The following ANKRD30A variants were observed in gnomAD, a reference collection of about 807,000 sequenced individuals.
ANKRD30A encodes the protein ankyrin repeat domain 30A, also known as ankyrin repeat domain-containing protein 30A.
ANKRD30A carries 170 observed loss-of-function variants against 166.3 expected under a neutral mutation model. The ratio of observed to expected loss-of-function variants is 1.02; its 90% CI spans 0.90 to 1.16. The LOEUF (loss-of-function observed/expected upper bound fraction) is 1.16. Among genes scored for constraint, ANKRD30A ranks in the 50% most tolerant of loss-of-function variants. ANKRD30A has a pLI of 0.00. For missense variants in ANKRD30A, 1,630 were observed against 1,518.0 expected, an observed-to-expected ratio of 1.07 and a Z score of -1.23; for synonymous variants, 564 against 508.9, an observed-to-expected ratio of 1.11 and a Z score of -1.46.
rs776828286 is a variant in ANKRD30A at position 37,218,972 on chromosome 10, T to A, written c.3268-8T>A. The A allele has an allele frequency of 2.6e-6, 4 of 1,548,056 alleles. No homozygotes were observed. Among genetic ancestry groups the A allele is most frequent in the Non-Finnish European group, 3.5e-6 (4 of 1,146,530 alleles). Reference sequence around the variant, plus strand: ...GTGCTAGCTAAAAGTTTATTTTGTTTTATTTAGGTTTCTCACACTCATGAA... The same window carrying A: ...GTGCTAGCTAAAAGTTTATTTTGTTATATTTAGGTTTCTCACACTCATGAA... On this transcript the variant is annotated splice_polypyrimidine_tract_variant and splice_region_variant and intron_variant, in intron 33 of 35. Transcript: ENST00000361713.
At chr10:37,226,374 T>C (rs1185308468) in intron 34 of ANKRD30A, among the ~76,000 whole-genome samples, 1 of 150,380 alleles carries the variant, frequency 6.6e-6, no homozygotes, top group African/African-American at 2.4e-5. Flanking sequence ...TTTTTTGTCC[T>C]TGCAATAGTT....
the ANKRD30A span, among the ~76,000 whole-genome samples, chr10:37,259,020 C>T: frequency 1.4e-5 from 2 of 143,988 alleles, 1 homozygote; most frequent in Non-Finnish European, 3.0e-5. Context: ...ATCTTTATGA[C>T]ACTGGAGTTG....
chr10:37,193,149 A>G (rs1382375047), intron 26 of ANKRD30A, 37 bp from the exon 27 acceptor site: 11 of 1,607,850 alleles, frequency 6.8e-6, no homozygotes, highest in Admixed American at 5.0e-5. Context: ...TGAAGTATAC[A>G]TTGTATATTA....
chr10:37,196,092 T>A (rs12360325), intron 27 of ANKRD30A, among the ~76,000 whole-genome samples: 23 of 116,976 alleles, frequency 2.0e-4, no homozygotes, highest in African/African-American at 6.1e-4. Context: ...TTATATTTTC[T>A]ATTTTTTTTT....
In ANKRD30A at chr10:37,219,419, A is replaced by G. The variant is rs1479516264; in HGVS notation, c.3707A>G (p.Asn1236Ser). ...AGDACLQRKM[N>S]VDVSSTIYNN... Reference sequence around the variant, plus strand: ...GATGCTTGTTTGCAAAGAAAAATGAATGTTGATGTGAGTAGTACGATATAT... The same window carrying G: ...GATGCTTGTTTGCAAAGAAAAATGAGTGTTGATGTGAGTAGTACGATATAT... Residue 1236 changes from asparagine to serine, a missense_variant, in exon 34 of 36, where the codon AAT becomes AGT. By Grantham distance (46) the Asn-to-Ser change is conservative. Transcript: ENST00000361713. 2 of 1,610,562 alleles carry G rather than the reference A, an allele frequency of 1.2e-6. No individual in the cohort carries two copies. The highest frequency in any genetic ancestry group is 8.5e-7 in the Non-Finnish European group (1 of 1,177,774).
intron 27 of ANKRD30A, among the ~76,000 whole-genome samples, chr10:37,194,381 G>T (rs184889791): frequency 6.6e-6 from 1 of 150,456 alleles, no homozygotes; most frequent in African/African-American, 2.5e-5. Flanking sequence ...TTTTGAGCTC[G>T]ACCAGGCTGG....
chr10:37,164,339 T>G (rs1169741446), intron 17 of ANKRD30A, among the ~76,000 whole-genome samples: 3 of 147,906 alleles, frequency 2.0e-5, no homozygotes, highest in Non-Finnish European at 3.0e-5. Context: ...AAGTCTTGAG[T>G]GGGCCTTGAT....
intron 11 of ANKRD30A, 125 bp downstream of exon 11, chr10:37,149,974 A>G (rs1165664057): frequency 1.1e-5 from 14 of 1,307,106 alleles, no homozygotes; most frequent in East Asian, 5.0e-5. Context: ...GATAATGCCA[A>G]TACTGGTATT....
chr10:37,126,025 G>A lies in ANKRD30A; in HGVS notation c.221+17G>A, dbSNP rs199919643. On this transcript the variant is annotated intron_variant, in intron 1 of 35. Transcript: ENST00000361713. ...CCAGAAGAGGTACCAGGCCCTGCCTGAGCCGGGGCTGCAGGAGGAGGTGGG... is the reference window on the plus strand; with the variant it reads ...CCAGAAGAGGTACCAGGCCCTGCCTAAGCCGGGGCTGCAGGAGGAGGTGGG... 32 of 1,611,290 alleles carry A rather than the reference G, an allele frequency of 2.0e-5. No individual in the cohort carries two copies. The African/African-American group carries it at 2.5e-4, about 13-fold the overall frequency.
chr10:37,149,959 A>G, intron 11 of ANKRD30A, 110 bp downstream of exon 11: 1 of 1,442,858 alleles, frequency 6.9e-7, no homozygotes, highest in Non-Finnish European at 9.4e-7. Flanking sequence ...AAAACATTTG[A>G]TCTAGATAAT....
the ANKRD30A span, among the ~76,000 whole-genome samples, chr10:37,247,394 T>G: frequency 6.6e-6 from 1 of 152,174 alleles, no homozygotes; most frequent in Non-Finnish European, 1.5e-5. Flanking sequence ...TTCAATGCAT[T>G]TATCTTATAG....
the ANKRD30A span, among the ~76,000 whole-genome samples, chr10:37,257,807 C>G: frequency 6.6e-6 from 1 of 152,096 alleles, no homozygotes; most frequent in Admixed American, 6.6e-5. Context: ...GAGTTCATGT[C>G]CTTTGCAGGG....
Position 37,219,359 on chromosome 10 carries a change from GAA to G in ANKRD30A, c.3651_3652del (p.Gln1219ArgfsTer19). The G allele has an allele frequency of 6.2e-7, 1 of 1,610,416 alleles. No individual in the cohort carries two copies. The highest frequency in any genetic ancestry group is 8.5e-7 in the Non-Finnish European group (1 of 1,177,654). On this transcript the variant is annotated frameshift_variant, in exon 34 of 36. Coordinates refer to ENST00000361713, the MANE Select transcript of ANKRD30A (RefSeq NM_052997.3). LOFTEE classifies it high-confidence loss of function. Reference sequence around the variant, plus strand: ...GACCATGATCAAATTGTGACATCAAGAAAAAGTCAAGAACCTGCTTTCCACAT... The same window carrying G: ...GACCATGATCAAATTGTGACATCAAGAAAGTCAAGAACCTGCTTTCCACAT...
chr10:37,229,105 C>T (rs1005532878), intron 34 of ANKRD30A, among the ~76,000 whole-genome samples: 4 of 151,928 alleles, frequency 2.6e-5, no homozygotes, highest in African/African-American at 9.7e-5. Context: ...GGCAGGCAGC[C>T]AGATCACCTA....
chr10:37,158,957 T>C (rs567893988), intron 15 of ANKRD30A, among the ~76,000 whole-genome samples: 2 of 152,206 alleles, frequency 1.3e-5, no homozygotes, highest in African/African-American at 4.8e-5. Context: ...TTTCACTTGC[T>C]GACATGACAG....
intron 7 of ANKRD30A, 102 bp downstream of exon 7, chr10:37,142,392 A>G: frequency 9.0e-7 from 1 of 1,117,146 alleles, no homozygotes; most frequent in South Asian, 1.7e-5. Flanking sequence ...GAATATCTAA[A>G]TAAGGCGAGC....
At chr10:37,235,471 GA>G (rs1399346868), downstream of ANKRD30A, among the ~76,000 whole-genome samples, 1 of 152,146 alleles carries the variant, frequency 6.6e-6, no homozygotes, top group Non-Finnish European at 1.5e-5. Flanking sequence ...GGGAGTGCAT[GA>G]TTACTGTCAT....
chr10:37,151,780 A>C (rs1437350409), intron 11 of ANKRD30A, among the ~76,000 whole-genome samples: 1 of 152,100 alleles, frequency 6.6e-6, no homozygotes, highest in African/African-American at 2.4e-5. Context: ...TGTGTTTCAG[A>C]GGAGAAGAGG....
At chr10:37,255,117 G>T in the ANKRD30A span, among the ~76,000 whole-genome samples, 2 of 152,102 alleles carry the variant, frequency 1.3e-5, no homozygotes, top group South Asian at 2.1e-4. Context: ...AGGCCATAAA[G>T]GTTTATTGCT....
Sources: allele counts gnomAD v4.1 joint callset (sites outside exome capture counted in the v4.1 genomes callset), GRCh38; gene constraint gnomAD v4.1.1; transcripts MANE v1.5; gene names NCBI Gene and HGNC (gene_info 2026-07-23, HGNC 2026-07-21).